Variants in CDK11A observed in about 807,000 individuals in gnomAD.
CDK11A encodes the protein cyclin dependent kinase 11A, also known as cyclin-dependent kinase 11A.
Under a neutral mutation model 83.6 loss-of-function variants are expected in CDK11A, and 55 were observed. The ratio of observed to expected loss-of-function variants is 0.66; its 90% confidence interval spans 0.53 to 0.82. The LOEUF (loss-of-function observed/expected upper bound fraction) is 0.82. Among genes scored for constraint, CDK11A ranks in the 40% least tolerant of loss-of-function variants. CDK11A has a pLI of 0.00. For missense variants in CDK11A, 564 were observed against 810.1 expected, an observed-to-expected ratio of 0.70 and a Z score of 3.69; for synonymous variants, 247 against 302.7, an observed-to-expected ratio of 0.82 and a Z score of 1.91.
rs916095055 is a variant in CDK11A, at chr1:1,722,225, A to C, written c.111+483T>G. On this transcript the variant is annotated intron_variant, in intron 2 of 19. Coordinates refer to ENST00000404249, the MANE Select transcript of CDK11A (RefSeq NM_024011.4). ...ATATCTGTGAAGCATAATAAAGTGA[A>C]GTGCAAGGTATGCCTGTACTCACTA... 2.6e-5 allele frequency among the ~76,000 whole-genome samples: 4 copies of C among 151,300 alleles called. 1 individual carries two copies. The highest frequency in any genetic ancestry group is 5.9e-5 in the Non-Finnish European group (4 of 67,800).
rs1029121430 is a variant in CDK11A at position 1,717,508 on chromosome 1, A to C, written c.356-1030T>G. ...ATACTTGTTGAATTCAGGTCATTTT[A>C]AATGTAAACAAACTGCTCCCAAACA... On this transcript the variant is annotated intron_variant, in intron 4 of 19. Transcript: ENST00000404249. Among the ~76,000 whole-genome samples the C allele has an allele frequency of 1.5e-3, 223 of 151,450 alleles. 6 individuals carry two copies. The highest frequency in any genetic ancestry group is 4.6e-3 in the African/African-American group (189 of 41,316).
Position 1,703,461 on chromosome 1 carries a change from C to G in CDK11A, c.2060+15G>C. ...TGGCTCGGGACCTCCCGCCACCCGG[C>G]TGCACTGGGCTCACTTGTTCATGAG... is the stretch of plus-strand genomic sequence containing the variant. On this transcript the variant is annotated intron_variant, in intron 18 of 19. Transcript: ENST00000404249. The G allele has an allele frequency of 6.7e-7, 1 of 1,491,264 alleles. No individual in the cohort carries two copies. The highest frequency in any genetic ancestry group is 1.2e-5 in the South Asian group (1 of 80,580). 92.4% of individuals were successfully genotyped at this position (1,491,264 alleles called of 1,614,324 possible).
chr1:1,707,496 C>T lies in CDK11A; in HGVS notation c.1158G>A (p.Leu386=). ...VGEGTPQSSA[L]TEGDYVPDSP... Reference sequence around the variant, plus strand: ...AGTCGGGCACATAGTCGCCCTCTGTCAGGGCGCTGCTCTGCGGCGTTCCCT... The same window carrying T: ...AGTCGGGCACATAGTCGCCCTCTGTTAGGGCGCTGCTCTGCGGCGTTCCCT... The change falls in exon 11 of 20, where the codon CTG becomes CTA. Residue 386 remains leucine, a synonymous_variant. Transcript: ENST00000404249. 2 of 1,605,636 alleles carry T rather than the reference C, an allele frequency of 1.2e-6. No homozygotes were observed.
chr1:1,707,472 G>A lies in CDK11A; in HGVS notation c.1182C>T (p.Asp394=), dbSNP rs746314221. 1.9e-5 allele frequency: 30 copies of A among 1,607,498 alleles called. 1 individual carries two copies. The highest frequency in any genetic ancestry group is 1.7e-4 in the Middle Eastern group (1 of 6,010). The change falls in exon 11 of 20, where the codon GAC becomes GAT. Residue 394 remains aspartate (D), a synonymous_variant. Transcript: ENST00000404249. ...SALTEGDYVP[D]SPALLPIELK... ...GCTCGATGGGCAACAGGGCAGGGGA[G>A]TCGGGCACATAGTCGCCCTCTGTCA...
intron 13 of CDK11A, 94 bp from the exon 14 acceptor site, chr1:1,704,749 G>C: frequency 6.3e-7 from 1 of 1,599,144 alleles, no homozygotes; most frequent in Non-Finnish European, 8.5e-7. Context: ...AAGGACCTCC[G>C]GTGCCACCCG....
intron 3 of CDK11A, among the ~76,000 whole-genome samples, chr1:1,720,638 C>A (rs1309668304): frequency 1.3e-5 from 2 of 150,340 alleles, no homozygotes; most frequent in Non-Finnish European, 3.0e-5. Context: ...ACCTCATGAT[C>A]CACCCGCCTC....
At chr1:1,722,065 G>A (rs1259932678) in intron 2 of CDK11A, among the ~76,000 whole-genome samples, 12 of 150,892 alleles carry the variant, frequency 8.0e-5, no homozygotes, top group Non-Finnish European at 1.8e-4. Flanking sequence ...GTAGGAGAAT[G>A]GTGTGAACCT....
At position 1,717,355 on chromosome 1, in the gene CDK11A, C is replaced by A. The variant is rs956984360; in HGVS notation, c.356-877G>T. 4.2e-5 allele frequency among the ~76,000 whole-genome samples: 6 copies of A among 143,358 alleles called. 1 individual carries two copies. The highest frequency in any genetic ancestry group is 2.9e-4 in the Admixed American group (4 of 13,606). 94.0% of individuals were successfully genotyped at this position (143,358 alleles called of 152,430 possible). Reference sequence around the variant, plus strand: ...GTATTTATAATAATGAGATTTCAATCGGGCTCCAGGTCCAATTTTCCTAAC... The same window carrying A: ...GTATTTATAATAATGAGATTTCAATAGGGCTCCAGGTCCAATTTTCCTAAC... On this transcript the variant is annotated intron_variant, in intron 4 of 19. Coordinates refer to ENST00000404249, the MANE Select transcript of CDK11A (RefSeq NM_024011.4).
intron 4 of CDK11A, 156 bp downstream of exon 4, chr1:1,719,172 C>T: frequency 1.8e-6 from 1 of 566,832 alleles, no homozygotes; most frequent in Non-Finnish European, 2.8e-6. Flanking sequence ...GCTATTCTCT[C>T]TATAGCCCTT....
At chr1:1,707,368 G>T in intron 11 of CDK11A, 41 bp downstream of exon 11, 1 of 1,595,988 alleles carries the variant, frequency 6.3e-7, no homozygotes, top group South Asian at 1.1e-5. Flanking sequence ...AACTCCGACT[G>T]CCAATGCGGA....
rs763701932 is a variant in CDK11A at position 1,717,597 on chromosome 1, A to C, written c.356-1119T>G. Among the ~76,000 whole-genome samples the C allele has an allele frequency of 1.2e-3, 185 of 150,420 alleles. 9 individuals carry two copies. Among genetic ancestry groups the C allele is most frequent in the Non-Finnish European group, 2.0e-3 (136 of 67,368 alleles). On this transcript the variant is annotated intron_variant, in intron 4 of 19. Transcript: ENST00000404249. ...CTAGCCATTCTGAATGGTCTGTGACACACGCACGCTTTCAGCTAGAGTTTG... is the reference window on the plus strand; with the variant it reads ...CTAGCCATTCTGAATGGTCTGTGACCCACGCACGCTTTCAGCTAGAGTTTG...
At chr1:1,713,469 C>G (rs2179383) in intron 5 of CDK11A, among the ~76,000 whole-genome samples, 1 of 62,952 alleles carries the variant, frequency 1.6e-5, no homozygotes, top group Admixed American at 2.1e-4. Flanking sequence ...AAATTACATA[C>G]GTTTAGCATA....
chr1:1,717,815 G>A (rs866607399), intron 4 of CDK11A, among the ~76,000 whole-genome samples: 165 of 134,808 alleles, frequency 1.2e-3, no homozygotes, highest in African/African-American at 4.5e-3. Context: ...ACACACGCAC[G>A]CTTTCAGCTA....
Position 1,704,599 on chromosome 1 carries a change from C to T in CDK11A, c.1515G>A (p.Glu505=), listed in dbSNP as rs762903481. 1 of 1,602,212 alleles carries T rather than the reference C, an allele frequency of 6.2e-7. No homozygotes were observed. Among genetic ancestry groups the T allele is most frequent in the South Asian group, 1.1e-5 (1 of 89,642 alleles). Reference sequence around the variant, plus strand: ...TCTCCATCAGGCTCTTGAGGTCGTGCTCCACGTAGTTCATCACGATGTAGA... The same window carrying T: ...TCTCCATCAGGCTCTTGAGGTCGTGTTCCACGTAGTTCATCACGATGTAGA... The part of the protein sequence containing the change: ...DKIYIVMNYV[E]HDLKSLMETM... The change falls in exon 14 of 20, where the codon GAG becomes GAA. Residue 505 remains glutamate (E), a synonymous_variant. Coordinates refer to ENST00000404249, the MANE Select transcript of CDK11A (RefSeq NM_024011.4).
At chr1:1,721,142 G>A (rs1397521833) in intron 3 of CDK11A, among the ~76,000 whole-genome samples, 2 of 150,378 alleles carry the variant, frequency 1.3e-5, no homozygotes, top group East Asian at 2.0e-4. Context: ...GCAGTGAGCC[G>A]AGATGGCGCC....
At position 1,708,875 on chromosome 1, in the gene CDK11A, A is replaced by C; in HGVS notation, c.922T>G (p.Ser308Ala). The change falls in exon 9 of 20, where the codon TCA becomes GCA. Residue 308 changes from serine to alanine, a missense_variant. Ser to Ala is a moderately conservative substitution (Grantham distance 99, BLOSUM62 1). Around this residue, in one of 5 missense-constraint regions of CDK11A, gnomAD observed 3 missense variants for 139.2 expected, o/e 0.02. Coordinates refer to ENST00000404249, the MANE Select transcript of CDK11A (RefSeq NM_024011.4). ...TCCTCTTCCTCCTCCTCCTCCTCTG[A>C]TTCTTCACTGGTGCTCCCTTCCTCC... ...EEEEGSTSEE[S>A]EEEEEEEEEE... 1 of 1,109,146 alleles carries C rather than the reference A, an allele frequency of 9.0e-7. No homozygotes were observed. The highest frequency in any genetic ancestry group is 1.6e-5 in the African/African-American group (1 of 63,364). 68.7% of individuals were successfully genotyped at this position (1,109,146 alleles called of 1,614,324 possible).
At chr1:1,717,298 C>G (rs886435819) in intron 4 of CDK11A, among the ~76,000 whole-genome samples, 1 of 151,162 alleles carries the variant, frequency 6.6e-6, no homozygotes, top group Non-Finnish European at 1.5e-5. Context: ...GGCTTCTCCA[C>G]TGTGCAATGA....
intron 6 of CDK11A, among the ~76,000 whole-genome samples, chr1:1,710,689 C>G (rs1644467510): frequency 6.6e-6 from 1 of 150,868 alleles, no homozygotes; most frequent in Admixed American, 6.7e-5. Flanking sequence ...TTTTAGGGAA[C>G]TGTCTTAAAC....
chr1:1,723,980 TCG>T (rs1645009586), intron 1 of CDK11A: 1 of 141,284 alleles, frequency 7.1e-6, no homozygotes. Flanking sequence ...CGAGATGTGC[TCG>T]CGAACAAGGC....
Sources: gnomAD v4.1 joint callset for allele counts (sites outside exome capture counted in the v4.1 genomes callset) on GRCh38, gnomAD v4.1.1 for gene constraint, gnomAD v4.1.1 regional missense constraint, MANE v1.5 for transcripts, NCBI Gene and HGNC (gene_info 2026-07-23, HGNC 2026-07-21) for gene names.